Variants in LOC112694756 observed in about 807,000 individuals in gnomAD.
At chr16:30,070,286 C>CTCT in the LOC112694756 span, 8 of 1,468,910 alleles carry the variant, frequency 5.4e-6, no homozygotes, top group Non-Finnish European at 6.7e-6. Context: ...AGGCCGCCTC[C>CTCT]TCGGGGCTCC....
At chr16:30,068,896 A>C in the LOC112694756 span, 7 of 1,614,230 alleles carry the variant, frequency 4.3e-6, no homozygotes, top group East Asian at 1.6e-4. Context: ...TGTGTGCTGA[A>C]GATTGGGGAA....
chr16:30,066,756 CG>C, the LOC112694756 span: 11 of 1,022,388 alleles, frequency 1.1e-5, no homozygotes, highest in Non-Finnish European at 1.5e-5. Context: ...GATCTGGCTC[CG>C]GGGTTGCTGT....
chr16:30,054,680 G>T, the LOC112694756 span: 2 of 398,296 alleles, frequency 5.0e-6, no homozygotes, highest in Non-Finnish European at 4.4e-6. Flanking sequence ...CCACCATCTG[G>T]TGGCCGTTCC....
chr16:30,059,772 A>G, the LOC112694756 span, among the ~76,000 whole-genome samples: 1 of 151,442 alleles, frequency 6.6e-6, no homozygotes, highest in African/African-American at 2.4e-5. Context: ...CATGTTGGCC[A>G]GGCTGGTCTT....
the LOC112694756 span, chr16:30,067,732 G>A: frequency 1.3e-6 from 2 of 1,567,298 alleles, no homozygotes; most frequent in South Asian, 2.2e-5. Flanking sequence ...TAGTGAGGCA[G>A]GGAATGAATG....
chr16:30,069,319 C>G, the LOC112694756 span: 9 of 1,614,152 alleles, frequency 5.6e-6, no homozygotes, highest in Non-Finnish European at 7.6e-6. Flanking sequence ...GGCATTGTGC[C>G]CATCGTGGAG....
chr16:30,070,169 CTGCTGCCAGCG>C, the LOC112694756 span: 1 of 1,614,150 alleles, frequency 6.2e-7, no homozygotes, highest in East Asian at 2.2e-5. Flanking sequence ...CAGGCTGGGG[CTGCTGCCAGCG>C]AGTCCCTCTT....
At chr16:30,058,410 G>C in the LOC112694756 span, among the ~76,000 whole-genome samples, 3 of 152,130 alleles carry the variant, frequency 2.0e-5, no homozygotes, top group South Asian at 6.2e-4. Context: ...TGGATCAGCT[G>C]GAATAGAAAC....
the LOC112694756 span, among the ~76,000 whole-genome samples, chr16:30,057,892 C>T: frequency 6.6e-6 from 1 of 151,728 alleles, no homozygotes; most frequent in Admixed American, 6.6e-5. Context: ...GATCATGCCA[C>T]TGCACTCCAG....
chr16:30,060,182 T>C, the LOC112694756 span, among the ~76,000 whole-genome samples: 1 of 152,174 alleles, frequency 6.6e-6, no homozygotes, highest in Non-Finnish European at 1.5e-5. Flanking sequence ...TTTCACCATG[T>C]TGGCCAGGCT....
the LOC112694756 span, among the ~76,000 whole-genome samples, chr16:30,057,099 A>AT: frequency 6.6e-6 from 1 of 151,556 alleles, no homozygotes; most frequent in African/African-American, 2.4e-5. Context: ...TAGTAGAGAC[A>AT]GGGTTTCTCC....
chr16:30,065,272 C>T, the LOC112694756 span, among the ~76,000 whole-genome samples: 1 of 152,246 alleles, frequency 6.6e-6, no homozygotes, highest in African/African-American at 2.4e-5. Context: ...CCGATTCAGC[C>T]CGCGGGCGAG....
chr16:30,067,336 A>G, the LOC112694756 span: 1 of 1,613,854 alleles, frequency 6.2e-7, no homozygotes. Flanking sequence ...GGCACCTGGC[A>G]AGGGCATCCT....
At chr16:30,069,247 G>C in the LOC112694756 span, 1 of 1,564,334 alleles carries the variant, frequency 6.4e-7, no homozygotes, top group Non-Finnish European at 8.8e-7. Context: ...GCTGTGGAGA[G>C]ATGTAGGTGG....
At chr16:30,063,847 C>T in the LOC112694756 span, 2 of 399,294 alleles carry the variant, frequency 5.0e-6, no homozygotes, top group East Asian at 7.1e-5. Flanking sequence ...CGATGAGGAC[C>T]CAGGGCCCCT....
At chr16:30,065,780 C>T in the LOC112694756 span, 4 of 152,958 alleles carry the variant, frequency 2.6e-5, no homozygotes, top group Non-Finnish European at 4.4e-5. Flanking sequence ...TGCGCCGCCC[C>T]TTCCGAGGCT....
At chr16:30,067,161 A>G in the LOC112694756 span, 1 of 1,603,142 alleles carries the variant, frequency 6.2e-7, no homozygotes, top group Non-Finnish European at 8.5e-7. Flanking sequence ...CCTCCAGGAG[A>G]GGGGCCCTGG....
the LOC112694756 span, among the ~76,000 whole-genome samples, chr16:30,062,756 G>A: frequency 1.3e-5 from 2 of 151,442 alleles, no homozygotes; most frequent in Non-Finnish European, 2.9e-5. Context: ...CAGGAGAACC[G>A]CTTGAATCCA....
the LOC112694756 span, among the ~76,000 whole-genome samples, chr16:30,056,016 G>C: frequency 6.6e-6 from 1 of 151,672 alleles, no homozygotes; most frequent in African/African-American, 2.4e-5. Context: ...GGCCAGGCTG[G>C]TCTCGAACTC....
Sources: gnomAD v4.1 joint callset for allele counts (sites outside exome capture counted in the v4.1 genomes callset) on GRCh38, gnomAD v4.1.1 for gene constraint, MANE v1.5 for transcripts.